Variants in TCEA3 observed in about 807,000 individuals in gnomAD.
TCEA3 encodes transcription elongation factor A protein 3.
In TCEA3, 36 loss-of-function variants were observed where a neutral mutation model predicts 44.0. That is an observed-to-expected ratio of 0.82 (90% CI 0.63 to 1.08). TCEA3 has a LOEUF of 1.08. TCEA3 is among the 50% of genes least tolerant of loss of function. The pLI is 0.00. For synonymous variants in TCEA3, 162 were observed against 159.7 expected, an observed-to-expected ratio of 1.01 and a Z score of -0.11; for missense variants, 392 against 441.2, an observed-to-expected ratio of 0.89 and a Z score of 1.00.
chr1:23,407,240 C>T (rs1005325525), intron 5 of TCEA3, among the ~76,000 whole-genome samples: 2 of 152,112 alleles, frequency 1.3e-5, no homozygotes, highest in Non-Finnish European at 2.9e-5. Context: ...AAGATATATC[C>T]GGAAACCACC....
chr1:23,424,076 A>G (rs1640144158), intron 1 of TCEA3, among the ~76,000 whole-genome samples: 1 of 151,996 alleles, frequency 6.6e-6, no homozygotes. Context: ...TCTCTCCCGC[A>G]GACCCACTCC....
chr1:23,405,527 TG>T (rs1639519314), intron 5 of TCEA3, among the ~76,000 whole-genome samples: 1 of 151,060 alleles, frequency 6.6e-6, no homozygotes, highest in Non-Finnish European at 1.5e-5. Context: ...ATCCGGGAGA[TG>T]GAAGTTGCAC....
chr1:23,399,654 T>C (rs1431503654), intron 5 of TCEA3, among the ~76,000 whole-genome samples: 1 of 151,928 alleles, frequency 6.6e-6, no homozygotes, highest in Non-Finnish European at 1.5e-5. Flanking sequence ...TATCTACTTT[T>C]GCGATGTGAG....
chr1:23,419,221 G>A, intron 1 of TCEA3, 82 bp from the exon 2 acceptor site: 2 of 1,081,960 alleles, frequency 1.8e-6, no homozygotes, highest in Admixed American at 2.6e-5. Context: ...GGTACAGAGA[G>A]CAGGAGGATA....
intron 1 of TCEA3, among the ~76,000 whole-genome samples, chr1:23,423,027 CT>C (rs1640111447): frequency 6.6e-6 from 1 of 152,202 alleles, no homozygotes; most frequent in South Asian, 2.1e-4. Context: ...GATAACCCGT[CT>C]ATTTGAACTG....
At chr1:23,408,007 G>A (rs956861515) in intron 5 of TCEA3, among the ~76,000 whole-genome samples, 2 of 151,948 alleles carry the variant, frequency 1.3e-5, no homozygotes, top group Non-Finnish European at 2.9e-5. Flanking sequence ...TGTTGCCCAG[G>A]TTGGATTGCA....
At chr1:23,396,029 A>C (rs1049101070) in intron 7 of TCEA3, among the ~76,000 whole-genome samples, 55 of 152,164 alleles carry the variant, frequency 3.6e-4, no homozygotes, top group African/African-American at 1.2e-3. Context: ...ATTAACAGGA[A>C]ATGATGAAAA....
intron 2 of TCEA3, chr1:23,418,412 A>G (rs924415325): frequency 5.3e-6 from 1 of 187,916 alleles, no homozygotes; most frequent in Non-Finnish European, 1.1e-5. Context: ...CCCAGGTTCA[A>G]GCGATTCTCG....
intron 5 of TCEA3, among the ~76,000 whole-genome samples, chr1:23,401,667 C>T (rs1274861005): frequency 1.3e-5 from 2 of 152,204 alleles, no homozygotes; most frequent in Non-Finnish European, 2.9e-5. Context: ...TCTTCCCCCA[C>T]TATAATCCAT....
chr1:23,409,560 T>C (rs541833103), intron 4 of TCEA3, among the ~76,000 whole-genome samples: 25 of 152,238 alleles, frequency 1.6e-4, no homozygotes, highest in South Asian at 8.3e-4. Flanking sequence ...ACTTTTTTTC[T>C]TTGAGACAGA....
Position 23,413,732 on chromosome 1 carries a change from C to A in TCEA3, c.380+3517G>T, listed in dbSNP as rs756739342. Among the ~76,000 whole-genome samples the A allele has an allele frequency of 1.3e-3, 199 of 152,278 alleles. 1 individual carries two copies. Among genetic ancestry groups the A allele is most frequent in the Non-Finnish European group, 1.8e-3 (122 of 68,028 alleles). On this transcript the variant is annotated intron_variant, in intron 4 of 10. Transcript: ENST00000450454. ...TAAGGGCGTGAGCCACTGAGCCTGG[C>A]CTGGCCTGTATGTTCTTAAAAAACT... is the stretch of plus-strand genomic sequence containing the variant.
At chr1:23,386,409 T>C (rs1422669038) in intron 9 of TCEA3, among the ~76,000 whole-genome samples, 10 of 152,084 alleles carry the variant, frequency 6.6e-5, no homozygotes, top group Non-Finnish European at 1.5e-5. Flanking sequence ...GGCTAATTTT[T>C]GTATTTTTAG....
chr1:23,415,222 C>T (rs1639855509), intron 4 of TCEA3, among the ~76,000 whole-genome samples: 1 of 151,916 alleles, frequency 6.6e-6, no homozygotes, highest in African/African-American at 2.4e-5. Flanking sequence ...GGGGTTTCAC[C>T]ATCTTGGCCA....
At chr1:23,383,982 C>A in intron 10 of TCEA3, 1 of 1,088,342 alleles carries the variant, frequency 9.2e-7, no homozygotes, top group Non-Finnish European at 1.1e-6. Context: ...AAGGAAATAC[C>A]ATCTGTGGAA....
At chr1:23,389,221 C>T (rs537471364) in intron 8 of TCEA3, among the ~76,000 whole-genome samples, 1 of 152,242 alleles carries the variant, frequency 6.6e-6, no homozygotes, top group East Asian at 1.9e-4. Context: ...GGTGCAGTGG[C>T]TTACACCTGT....
chr1:23,416,000 C>CTT (rs768819564), intron 4 of TCEA3, among the ~76,000 whole-genome samples: 1,342 of 118,654 alleles, frequency 0.011, 13 homozygotes, highest in African/African-American at 0.024. Context: ...CTACATTTTC[C>CTT]TTTTTTTTTT....
At chr1:23,418,120 C>A in intron 2 of TCEA3, 111 bp from the exon 3 acceptor site, 5 of 1,022,144 alleles carry the variant, frequency 4.9e-6, no homozygotes, top group Non-Finnish European at 7.4e-6. Flanking sequence ...CCAACCTGGA[C>A]CCCCAGAGTC....
chr1:23,381,975 C>T (rs1166058410), intron 10 of TCEA3, among the ~76,000 whole-genome samples: 1 of 152,080 alleles, frequency 6.6e-6, no homozygotes, highest in Non-Finnish European at 1.5e-5. Flanking sequence ...TTATTCTGTG[C>T]TAGGCAGTAT....
chr1:23,393,938 G>A lies in TCEA3; in HGVS notation c.760C>T (p.Arg254Trp), dbSNP rs551455715. 59 of 1,613,960 alleles carry A rather than the reference G, an allele frequency of 3.7e-5. 1 individual carries two copies. In the East Asian group the frequency reaches 8.2e-4, roughly 23 times the overall value. Residue 254 changes from arginine to tryptophan, a missense_variant, in exon 8 of 11, where the codon CGG becomes TGG. Arg to Trp is a moderately radical substitution (Grantham distance 101). Transcript: ENST00000450454. ...ATGGCCCCACTGAGCACGTTCCGCC[G>A]CAGGCCGGGGTTCCTGGGGTCCTTG... The part of the protein sequence containing the change: ...NLKDPRNPGL[R>W]RNVLSGAISA...
Sources: gnomAD v4.1 joint callset for allele counts (sites outside exome capture counted in the v4.1 genomes callset) on GRCh38, gnomAD v4.1.1 for gene constraint, MANE v1.5 for transcripts, NCBI Gene and HGNC (gene_info 2026-07-23, HGNC 2026-07-21) for gene names.